Variants in DIP2C observed in about 807,000 individuals in gnomAD.
DIP2C encodes the protein DIP2 acetate--CoA ligase C (putative).
Under a neutral mutation model 192.4 loss-of-function variants are expected in DIP2C, and 33 were observed. The observed-to-expected ratio is 0.17, with a 90% CI of 0.13 to 0.23. The LOEUF (loss-of-function observed/expected upper bound fraction) is 0.23, where lower values mean the gene tolerates loss of function less well. DIP2C is among the 10% of genes least tolerant of loss of function. The pLI is 1.00. For synonymous variants in DIP2C, 979 were observed against 864.1 expected, an observed-to-expected ratio of 1.13 and a Z score of -2.33; for missense variants, 1,537 against 2,110.1, an observed-to-expected ratio of 0.73 and a Z score of 5.32.
chr10:630,735 A>C (rs1025181578), intron 1 of DIP2C: 1 of 152,314 alleles, frequency 6.6e-6, no homozygotes, highest in Non-Finnish European at 1.5e-5. Flanking sequence ...CTTGTCCTCA[A>C]GGAACCTCAT....
chr10:329,910 CTCTT>C (rs1160757217), intron 29 of DIP2C, among the ~76,000 whole-genome samples: 3 of 152,154 alleles, frequency 2.0e-5, no homozygotes, highest in Admixed American at 6.5e-5. Flanking sequence ...AAACTGGATC[CTCTT>C]TCTTAGTAGA....
chr10:660,818 G>A (rs1270659337), intron 1 of DIP2C, among the ~76,000 whole-genome samples: 1 of 152,152 alleles, frequency 6.6e-6, no homozygotes, highest in Non-Finnish European at 1.5e-5. Context: ...CCACTATGAG[G>A]TGTCAAAACA....
intron 1 of DIP2C, chr10:650,804 C>T: frequency 1.5e-6 from 1 of 688,502 alleles, no homozygotes; most frequent in East Asian, 2.7e-5. Flanking sequence ...GGCTGATCCA[C>T]CATGGAACCC....
chr10:527,166 C>A (rs1485281268), intron 1 of DIP2C, among the ~76,000 whole-genome samples: 1 of 152,236 alleles, frequency 6.6e-6, no homozygotes, highest in South Asian at 2.1e-4. Context: ...ACTCAGCTCA[C>A]AAAGGCCCCG....
intron 1 of DIP2C, among the ~76,000 whole-genome samples, chr10:593,627 G>A (rs959962864): frequency 6.6e-5 from 10 of 151,978 alleles, no homozygotes; most frequent in South Asian, 2.1e-4. Context: ...GCATGGAGAC[G>A]GCACATATCC....
chr10:625,600 G>C (rs961428341), intron 1 of DIP2C, among the ~76,000 whole-genome samples: 10 of 152,138 alleles, frequency 6.6e-5, no homozygotes, highest in East Asian at 5.8e-4. Context: ...GCTCGGGGAA[G>C]GACAGAAAGT....
intron 1 of DIP2C, chr10:662,122 A>G: frequency 1.4e-6 from 1 of 717,404 alleles, no homozygotes; most frequent in Non-Finnish European, 2.6e-6. Flanking sequence ...CTGACAGGTA[A>G]GGACTTCCAC....
chr10:392,816 GCA>G (rs141409070), intron 10 of DIP2C, among the ~76,000 whole-genome samples: 18,626 of 148,244 alleles, frequency 0.13, 1,941 homozygotes, highest in African/African-American at 0.3. Flanking sequence ...CACACTCAGC[GCA>G]CACACACACA....
intron 1 of DIP2C, among the ~76,000 whole-genome samples, chr10:624,932 C>T (rs1298267241): frequency 2.0e-5 from 3 of 152,164 alleles, no homozygotes; most frequent in African/African-American, 4.8e-5. Context: ...ACGAGGGAGG[C>T]GCTCGGTGCC....
intron 4 of DIP2C, among the ~76,000 whole-genome samples, chr10:438,563 C>CA (rs1166495012): frequency 6.6e-6 from 1 of 151,862 alleles, no homozygotes; most frequent in Non-Finnish European, 1.5e-5. Context: ...GACCATGGCT[C>CA]ACTGCAGCCT....
At chr10:594,850 T>C (rs1029916460) in intron 1 of DIP2C, among the ~76,000 whole-genome samples, 5 of 152,192 alleles carry the variant, frequency 3.3e-5, no homozygotes, top group East Asian at 1.9e-4. Context: ...CTGTGGACAC[T>C]GCAGGAAATG....
intron 1 of DIP2C, among the ~76,000 whole-genome samples, chr10:623,739 G>A (rs577717753): frequency 7.3e-6 from 1 of 137,904 alleles, no homozygotes; most frequent in South Asian, 2.5e-4. Flanking sequence ...GGGGAGGGAC[G>A]GACGCAGGGC....
At chr10:288,712 A>C (rs1955297772) in intron 32 of DIP2C, among the ~76,000 whole-genome samples, 2 of 152,180 alleles carry the variant, frequency 1.3e-5, no homozygotes, top group Admixed American at 1.3e-4. Flanking sequence ...TTTTCAGAAA[A>C]GGAAAAGAAC....
chr10:619,785 C>T (rs899731218), intron 1 of DIP2C, among the ~76,000 whole-genome samples: 5 of 152,188 alleles, frequency 3.3e-5, no homozygotes, highest in African/African-American at 1.2e-4. Flanking sequence ...GACCGGCAGG[C>T]TGGGCTCTGC....
At chr10:349,256 G>A (rs1304971334) in intron 25 of DIP2C, 75 bp downstream of exon 25, 9 of 1,547,106 alleles carry the variant, frequency 5.8e-6, no homozygotes, top group African/African-American at 4.1e-5. Flanking sequence ...AGGCACCAGC[G>A]GGTGTAAGGG....
intron 1 of DIP2C, among the ~76,000 whole-genome samples, chr10:511,645 A>G (rs112602910): frequency 1.4e-3 from 1 of 734 alleles, no homozygotes; most frequent in Non-Finnish European, 7.7e-3. Flanking sequence ...GCCTCCCCCC[A>G]CAAGTCAGTC....
intron 1 of DIP2C, among the ~76,000 whole-genome samples, chr10:489,100 A>T (rs1564780201): frequency 6.6e-6 from 1 of 152,296 alleles, no homozygotes; most frequent in East Asian, 1.9e-4. Flanking sequence ...CCAAAGCCGA[A>T]GCGCTGGATG....
chr10:638,643 C>T (rs1030756829), intron 1 of DIP2C, among the ~76,000 whole-genome samples: 6 of 152,196 alleles, frequency 3.9e-5, no homozygotes, highest in Non-Finnish European at 7.3e-5. Flanking sequence ...AAAGGGCTGA[C>T]GAGGCCAAGA....
Position 589,944 on chromosome 10 carries a change from G to A in DIP2C, c.85+99550C>T, listed in dbSNP as rs926871527. 5.9e-5 allele frequency among the ~76,000 whole-genome samples: 9 copies of A among 152,202 alleles called. No homozygotes were observed. The South Asian group carries it at 8.3e-4, about 14-fold the overall frequency. On this transcript the variant is annotated intron_variant, in intron 1 of 36. Coordinates refer to ENST00000280886, the MANE Select transcript of DIP2C (RefSeq NM_014974.3). Reference sequence around the variant, plus strand: ...AAATTCATAAGAACTGCTGAGAAGCGTGTGATAAGTTACATAAATCACCGT... The same window carrying A: ...AAATTCATAAGAACTGCTGAGAAGCATGTGATAAGTTACATAAATCACCGT...
Sources: gnomAD v4.1 joint callset for allele counts (sites outside exome capture counted in the v4.1 genomes callset) on GRCh38, gnomAD v4.1.1 for gene constraint, MANE v1.5 for transcripts, NCBI Gene and HGNC (gene_info 2026-07-23, HGNC 2026-07-21) for gene names.